FBXO25: variants seen among roughly 807,000 people sequenced by gnomAD.
The protein encoded by FBXO25 is F-box protein 25.
FBXO25 carries 45 observed loss-of-function variants against 51.9 expected under a neutral mutation model. The ratio of observed to expected loss-of-function variants is 0.87; its 90% CI spans 0.68 to 1.11. The LOEUF is 1.11. FBXO25 is among the 50% of genes most tolerant of loss of function. The pLI is 0.00. For synonymous variants in FBXO25, 199 were observed against 151.0 expected (o/e 1.32, Z -2.33); for missense variants, 507 against 428.5 (o/e 1.18, Z -1.62).
intron 5 of FBXO25, among the ~76,000 whole-genome samples, chr8:439,217 G>A (rs1472210663): frequency 6.6e-6 from 1 of 152,140 alleles, no homozygotes; most frequent in African/African-American, 2.4e-5. Context: ...CTTGCTTATA[G>A]CACTGAGAAG....
intron 4 of FBXO25, among the ~76,000 whole-genome samples, chr8:435,096 C>T (rs1798024426): frequency 6.6e-6 from 1 of 152,180 alleles, no homozygotes; most frequent in Non-Finnish European, 1.5e-5. Context: ...GAGCATACTT[C>T]CAGCCTGGGC....
rs142134651 is a variant in FBXO25, at chr8:463,358, C to G, written c.987+208C>G. Among the ~76,000 whole-genome samples the G allele has an allele frequency of 3.5e-3, 535 of 152,320 alleles. 16 individuals carry two copies. The highest frequency in any genetic ancestry group is 0.018 in the East Asian group (95 of 5,188). On this transcript the variant is annotated intron_variant, in intron 9 of 9. Coordinates refer to ENST00000350302, the MANE Select transcript of FBXO25 (RefSeq NM_183420.2). The stretch of plus-strand genomic sequence containing the variant: ...ACCAGAAACGCTGAAAACCAAAATG[C>G]TTCTCCTTTTTGCAGAAGTTAGCAT...
At chr8:423,297 G>C (rs1797267306) in intron 2 of FBXO25, among the ~76,000 whole-genome samples, 3 of 152,114 alleles carry the variant, frequency 2.0e-5, no homozygotes, top group Admixed American at 1.3e-4. Context: ...GTGCTTACTG[G>C]TTCTTCTTCT....
chr8:440,855 G>A (rs1445059506), intron 5 of FBXO25, among the ~76,000 whole-genome samples: 5 of 143,966 alleles, frequency 3.5e-5, no homozygotes, highest in Non-Finnish European at 7.6e-5. Flanking sequence ...TTCTGTTCTC[G>A]TGTTAGTTTG....
intron 5 of FBXO25, among the ~76,000 whole-genome samples, chr8:449,582 A>T (rs896680881): frequency 6.6e-6 from 1 of 152,260 alleles, no homozygotes; most frequent in African/African-American, 2.4e-5. Context: ...TCAGCAAACA[A>T]CTGCGAGTAT....
At chr8:453,763 A>G (rs1294133667) in intron 7 of FBXO25, among the ~76,000 whole-genome samples, 1 of 152,192 alleles carries the variant, frequency 6.6e-6, no homozygotes, top group Non-Finnish European at 1.5e-5. Context: ...CTCAGGATAT[A>G]GGGCCAGCTT....
rs566103935 is a variant in FBXO25 at position 469,142 on chromosome 8, A to G, written c.*338A>G. 4 of 218,190 alleles carry G rather than the reference A, an allele frequency of 1.8e-5. No individual in the cohort carries two copies. Among genetic ancestry groups the G allele is most frequent in the African/African-American group, 2.3e-5 (1 of 44,018 alleles). The allele number at this position is 218,190 out of a possible 1,614,324, so 13.5% of individuals were successfully genotyped here. A position where few individuals can be genotyped will look rare whatever the true frequency, so the allele number is the denominator to read the frequency against. Reference sequence around the variant, plus strand: ...TGACGTGACACTAACGGCCAATAATATGCTTCTTAATTATCAAATTATAGT... The same window carrying G: ...TGACGTGACACTAACGGCCAATAATGTGCTTCTTAATTATCAAATTATAGT... On this transcript the variant is annotated 3_prime_UTR_variant, in exon 10 of 10. Coordinates refer to ENST00000350302, the MANE Select transcript of FBXO25 (RefSeq NM_183420.2).
intron 1 of FBXO25, among the ~76,000 whole-genome samples, chr8:408,636 ATTG>A (rs1458474463): frequency 2.6e-5 from 4 of 152,244 alleles, no homozygotes; most frequent in East Asian, 3.8e-4. Context: ...TGCCATTATT[ATTG>A]TTAAGAAAAA....
intron 8 of FBXO25, 106 bp downstream of exon 8, chr8:458,657 C>G (rs1208556143): frequency 1.8e-6 from 2 of 1,093,460 alleles, no homozygotes; most frequent in Admixed American, 2.7e-5. Context: ...TGAGTATTTT[C>G]TACTTTTAAA....
chr8:477,500 G>A lies in FBXO25; in HGVS notation c.*8696G>A, dbSNP rs1800679225. The A allele has an allele frequency of 6.6e-6, 1 of 152,228 alleles. No individual in the cohort carries two copies. The highest frequency in any genetic ancestry group is 2.4e-5 in the African/African-American group (1 of 41,454). The allele number at this position is 152,228 out of a possible 1,614,324, so 9.4% of individuals were successfully genotyped here. A position where few individuals can be genotyped will look rare whatever the true frequency, so the allele number is the denominator to read the frequency against. ...CAAACTTTTTAAATTTCAACATGAA[G>A]ATGAAATTATAGGATGTCTGGGATT... On this transcript the variant is annotated 3_prime_UTR_variant, in exon 10 of 10. Transcript: ENST00000350302.
At chr8:455,235 G>C (rs904938378) in intron 7 of FBXO25, among the ~76,000 whole-genome samples, 12 of 152,210 alleles carry the variant, frequency 7.9e-5, no homozygotes, top group African/African-American at 2.7e-4. Context: ...GCTGCTCTCT[G>C]CCAAGGGTCA....
At chr8:452,413 C>T (rs906097814) in intron 7 of FBXO25, among the ~76,000 whole-genome samples, 13 of 143,456 alleles carry the variant, frequency 9.1e-5, no homozygotes, top group South Asian at 2.2e-4. Flanking sequence ...TCTTTTACTG[C>T]GTTCCCCATG....
intron 5 of FBXO25, among the ~76,000 whole-genome samples, chr8:438,321 A>G (rs751398830): frequency 2.0e-5 from 3 of 152,196 alleles, no homozygotes; most frequent in Non-Finnish European, 2.9e-5. Flanking sequence ...GGCCTCCCAA[A>G]GTGCTAGGAT....
chr8:411,122 T>C (rs772796852), intron 1 of FBXO25, among the ~76,000 whole-genome samples: 1 of 152,218 alleles, frequency 6.6e-6, no homozygotes, highest in African/African-American at 2.4e-5. Context: ...CTCTACGATA[T>C]AAATATTCTA....
chr8:435,493 T>A (rs1419497639), intron 4 of FBXO25, 122 bp from the exon 5 acceptor site: 11 of 1,049,672 alleles, frequency 1.0e-5, no homozygotes, highest in Non-Finnish European at 1.5e-5. Flanking sequence ...CTAAAATCAG[T>A]CTTCAAAATA....
intron 6 of FBXO25, 31 bp downstream of exon 6, chr8:450,114 A>G (rs1256099912): frequency 1.3e-6 from 2 of 1,495,636 alleles, no homozygotes; most frequent in African/African-American, 1.4e-5. Flanking sequence ...TTAATACTCT[A>G]AATCTTAATT....
In FBXO25 at chr8:424,196, C is replaced by G. The variant is rs143435556; in HGVS notation, c.135-7145C>G. Among the ~76,000 whole-genome samples, 206 of 150,482 alleles carry G rather than the reference C, an allele frequency of 1.4e-3. 2 individuals are homozygous for G. Among genetic ancestry groups the G allele is most frequent in the African/African-American group, 4.8e-3 (196 of 40,832 alleles). On this transcript the variant is annotated intron_variant, in intron 2 of 9. Coordinates refer to ENST00000350302, the MANE Select transcript of FBXO25 (RefSeq NM_183420.2). The stretch of plus-strand genomic sequence containing the variant: ...TGCAGTGGCGCAATTTCCGCTCACT[C>G]CTTTGCCCATTTTTTAATGGGGTTG...
intron 1 of FBXO25, among the ~76,000 whole-genome samples, chr8:408,385 A>G (rs2117376341): frequency 6.6e-6 from 1 of 152,184 alleles, no homozygotes; most frequent in Non-Finnish European, 1.5e-5. Flanking sequence ...TAGGGTTTTC[A>G]GGAACTGCTA....
rs928188606 is a variant in FBXO25 at position 458,559 on chromosome 8, G to A, written c.843+8G>A. On this transcript the variant is annotated splice_region_variant and intron_variant, in intron 8 of 9. Coordinates refer to ENST00000350302, the MANE Select transcript of FBXO25 (RefSeq NM_183420.2). The stretch of plus-strand genomic sequence containing the variant: ...CATTTTGCTGAAAAGCAGGTGAGTG[G>A]GATGCAGCAGTCTCCCCTCAGGCTG... 2 of 1,613,132 alleles carry A rather than the reference G, an allele frequency of 1.2e-6. No individual in the cohort carries two copies. The highest frequency in any genetic ancestry group is 2.7e-5 in the African/African-American group (2 of 74,936).
Sources: allele counts gnomAD v4.1 joint callset (sites outside exome capture counted in the v4.1 genomes callset), GRCh38; gene constraint gnomAD v4.1.1; transcripts MANE v1.5; gene names NCBI Gene and HGNC (gene_info 2026-07-23, HGNC 2026-07-21).